The following WNT2B variants were observed in gnomAD, a reference collection of about 807,000 sequenced individuals.
The protein encoded by WNT2B is Wnt family member 2B.
In WNT2B, 19 loss-of-function variants were observed where a neutral mutation model predicts 40.5. The ratio of observed to expected loss-of-function variants is 0.47; its 90% CI spans 0.33 to 0.69. The LOEUF (loss-of-function observed/expected upper bound fraction) is 0.69, where lower values mean the gene tolerates loss of function less well. WNT2B is among the 30% of genes least tolerant of loss of function. The probability of loss-of-function intolerance (pLI) is 0.02; values close to 1 mark genes in which losing one functional copy is unlikely to be tolerated. For missense variants in WNT2B, 467 were observed against 556.4 expected (o/e 0.84, Z 1.62); for synonymous variants, 220 against 211.9 (o/e 1.04, Z -0.33).
intron 1 of WNT2B, among the ~76,000 whole-genome samples, chr1:112,468,832 C>T (rs1388031863): frequency 1.3e-5 from 2 of 151,940 alleles, no homozygotes; most frequent in African/African-American, 4.8e-5. Flanking sequence ...GTCTATTTTT[C>T]GTTTTGTTGC....
At chr1:112,480,550 A>G (rs941193446) in intron 1 of WNT2B, among the ~76,000 whole-genome samples, 8 of 152,010 alleles carry the variant, frequency 5.3e-5, no homozygotes, top group African/African-American at 1.9e-4. Flanking sequence ...GAAAGCCTGA[A>G]CAGACCAATA....
chr1:112,467,565 A>G, exon 1 of WNT2B: 1 of 781,050 alleles, frequency 1.3e-6, no homozygotes, highest in South Asian at 1.3e-5. Flanking sequence ...AGTGGTAGCC[A>G]TAAGCATTTT....
At chr1:112,510,460 G>A (rs571841007) in intron 1 of WNT2B, among the ~76,000 whole-genome samples, 1 of 152,042 alleles carries the variant, frequency 6.6e-6, no homozygotes, top group Admixed American at 6.5e-5. Flanking sequence ...AGTGCCTCCC[G>A]TCCTTTCCTT....
At chr1:112,505,087 C>G (rs567917583), upstream of WNT2B, among the ~76,000 whole-genome samples, 3 of 152,320 alleles carry the variant, frequency 2.0e-5, no homozygotes, top group Admixed American at 6.5e-5. Context: ...GACAGTGGAC[C>G]CTTCTTCTTT....
intron 1 of WNT2B, chr1:112,490,928 A>T (rs2101064781): frequency 7.1e-7 from 1 of 1,402,054 alleles, no homozygotes. Flanking sequence ...ACCCTAAATA[A>T]ATCTACAAAT....
upstream of WNT2B, chr1:112,508,872 C>T: frequency 9.9e-7 from 1 of 1,012,984 alleles, no homozygotes; most frequent in Non-Finnish European, 1.2e-6. This position sits in a 1 kb window ranked among gnomAD's most constrained non-coding sequence, Gnocchi z 4.2. Flanking sequence ...CCGGGCTTGG[C>T]GCGGGCGGAG....
chr1:112,510,950 C>T (rs1027194449), intron 1 of WNT2B, among the ~76,000 whole-genome samples: 4 of 152,080 alleles, frequency 2.6e-5, no homozygotes, highest in Non-Finnish European at 4.4e-5. Context: ...ATGAAGTAAC[C>T]GCTGCCCATC....
chr1:112,480,398 AC>A, intron 1 of WNT2B, among the ~76,000 whole-genome samples: 1 of 151,216 alleles, frequency 6.6e-6, no homozygotes, highest in East Asian at 1.9e-4. Context: ...AGACAGTACA[AC>A]CGATACCACA....
chr1:112,515,206 C>T lies in WNT2B; in HGVS notation c.403+112C>T. 2 of 1,277,080 alleles carry T rather than the reference C, an allele frequency of 1.6e-6. No homozygotes were observed. Among genetic ancestry groups the T allele is most frequent in the Admixed American group, 4.1e-5 (2 of 48,392 alleles). The allele number at this position is 1,277,080 out of a possible 1,614,324, so 79.1% of individuals were successfully genotyped here. On this transcript the variant is annotated intron_variant, in intron 2 of 4. Transcript: ENST00000369684. This position sits in a 1 kb window ranked among gnomAD's most constrained non-coding sequence, Gnocchi z 4.4. ...CCTCTCCCACACACTGTTTCATCAT[C>T]AGAGAAAGAACTGTGGGCAGAGCCC...
intron 1 of WNT2B, among the ~76,000 whole-genome samples, chr1:112,471,074 G>C (rs1313189379): frequency 1.3e-5 from 2 of 152,186 alleles, no homozygotes; most frequent in African/African-American, 2.4e-5. Context: ...GACACTAAGG[G>C]ACATCAGTGG....
intron 1 of WNT2B, among the ~76,000 whole-genome samples, chr1:112,482,340 C>G (rs1651253681): frequency 6.6e-6 from 1 of 151,894 alleles, no homozygotes; most frequent in Non-Finnish European, 1.5e-5. Context: ...ATAATAATCA[C>G]ATAAAAAAAT....
Position 112,524,003 on chromosome 1 carries a change from A to AC in WNT2B, c.*3494_*3495insC. On this transcript the variant is annotated 3_prime_UTR_variant, in exon 5 of 5. Coordinates refer to ENST00000369684, the MANE Select transcript of WNT2B (RefSeq NM_024494.3). ...TAAAATCAGGGGCTTCAGATTAAAA[A>AC]AAAAAACAAAAAACAAAAAACAAAA... 6.6e-6 allele frequency: 1 copy of AC among 152,164 alleles called. No individual in the cohort carries two copies. Among genetic ancestry groups the AC allele is most frequent in the East Asian group, 1.9e-4 (1 of 5,174 alleles). The allele number at this position is 152,164 out of a possible 1,614,324, so 9.4% of individuals were successfully genotyped here.
At chr1:112,474,413 G>T (rs2101050500) in intron 1 of WNT2B, among the ~76,000 whole-genome samples, 1 of 152,302 alleles carries the variant, frequency 6.6e-6, no homozygotes, top group Non-Finnish European at 1.5e-5. Context: ...CTCCCAAAGG[G>T]CTGGGATTAC....
chr1:112,467,485 C>G (rs1650741085), exon 1 of WNT2B: 1 of 771,806 alleles, frequency 1.3e-6, no homozygotes, highest in Non-Finnish European at 2.4e-6. Context: ...TAACTGCAAT[C>G]TGTTAACACT....
chr1:112,477,851 G>T lies in WNT2B; in HGVS notation c.-95+10260G>T, dbSNP rs190200343. On this transcript the variant is annotated intron_variant, in intron 1 of 4. Coordinates refer to the WNT2B transcript ENST00000256640. ...GAAATTATCTAGTCAGCAGACAAAA[G>T]AGAAAAAAGAATGGAAAACAGTAAA... is the stretch of plus-strand genomic sequence containing the variant. Among the ~76,000 whole-genome samples the T allele has an allele frequency of 1.3e-3, 192 of 152,214 alleles. 2 individuals carry two copies. Among genetic ancestry groups the T allele is most frequent in the Admixed American group, 0.011 (169 of 15,284 alleles).
At chr1:112,499,062 C>T (rs1276950104) in intron 1 of WNT2B, among the ~76,000 whole-genome samples, 2 of 152,076 alleles carry the variant, frequency 1.3e-5, no homozygotes, top group Admixed American at 6.5e-5. Flanking sequence ...AAAAATTAGC[C>T]GGTCGTGGTG....
At chr1:112,485,049 A>G (rs1651370286) in intron 1 of WNT2B, among the ~76,000 whole-genome samples, 1 of 152,250 alleles carries the variant, frequency 6.6e-6, no homozygotes. Flanking sequence ...GAAATTGACA[A>G]GTTAACTCTA....
chr1:112,490,774 C>A (rs928160483), intron 1 of WNT2B, among the ~76,000 whole-genome samples: 1 of 152,100 alleles, frequency 6.6e-6, no homozygotes, highest in Admixed American at 6.6e-5. Flanking sequence ...CAGGCGTGAG[C>A]CCCCGCGCCC....
chr1:112,473,494 G>A (rs913298194), intron 1 of WNT2B, among the ~76,000 whole-genome samples: 1 of 151,926 alleles, frequency 6.6e-6, no homozygotes, highest in Non-Finnish European at 1.5e-5. Flanking sequence ...CATTGTGGAA[G>A]AAATGATTAT....
Sources: gnomAD v4.1 joint callset for allele counts (sites outside exome capture counted in the v4.1 genomes callset) on GRCh38, gnomAD v4.1.1 for gene constraint, Gnocchi (gnomAD v3.1) non-coding constraint, MANE v1.5 for transcripts, NCBI Gene and HGNC (gene_info 2026-07-23, HGNC 2026-07-21) for gene names.